Variants in NOVA1 observed in about 807,000 individuals in gnomAD.
The protein encoded by NOVA1 is RNA-binding protein Nova-1.
NOVA1 carries 7 observed loss-of-function variants against 38.0 expected under a neutral mutation model. The ratio of observed to expected loss-of-function variants is 0.18; its 90% confidence interval spans 0.10 to 0.35. NOVA1 has a LOEUF of 0.35. Ranked by LOEUF, NOVA1 falls within the 10% of genes least tolerant of loss-of-function variation. NOVA1 has a pLI of 1.00. For missense variants in NOVA1, 460 were observed against 616.0 expected (o/e 0.75, Z 2.68); for synonymous variants, 270 against 232.5 (o/e 1.16, Z -1.47).
chr14:26,564,199 A>C (rs1015297880), intron 2 of NOVA1, among the ~76,000 whole-genome samples: 1 of 152,138 alleles, frequency 6.6e-6, no homozygotes, highest in African/African-American at 2.4e-5. Flanking sequence ...CCTGACGTAC[A>C]TAACTTCACC....
At chr14:26,557,526 T>G in intron 2 of NOVA1, among the ~76,000 whole-genome samples, 1 of 125,188 alleles carries the variant, frequency 8.0e-6, no homozygotes, top group South Asian at 2.7e-4. Context: ...CATGACTGGC[T>G]AATTTTTTTT....
At chr14:26,468,634 G>C (rs1232818519) in intron 4 of NOVA1, among the ~76,000 whole-genome samples, 1 of 152,186 alleles carries the variant, frequency 6.6e-6, no homozygotes, top group Admixed American at 6.5e-5. Flanking sequence ...GAATAAGAAA[G>C]TCAATGAGCT....
intron 1 of NOVA1, chr14:26,596,125 A>G (rs927389737): frequency 1.7e-5 from 4 of 230,850 alleles, no homozygotes; most frequent in Admixed American, 5.3e-5. Context: ...CAAGTCTTCA[A>G]TAACTGCCAG....
chr14:26,596,636 G>T (rs1894209554), intron 1 of NOVA1: 8 of 1,288,954 alleles, frequency 6.2e-6, no homozygotes, highest in Non-Finnish European at 7.1e-6. Context: ...AAGCGATATC[G>T]GTCCCGTTAA....
intron 2 of NOVA1, among the ~76,000 whole-genome samples, chr14:26,567,856 G>C (rs1222327293): frequency 1.3e-5 from 2 of 152,014 alleles, no homozygotes; most frequent in Non-Finnish European, 2.9e-5. Context: ...TTTTCCATTT[G>C]GTTATCAACA....
At chr14:26,528,449 G>T (rs1200672621) in intron 2 of NOVA1, among the ~76,000 whole-genome samples, 1 of 152,124 alleles carries the variant, frequency 6.6e-6, no homozygotes, top group African/African-American at 2.4e-5. Flanking sequence ...ATATAGTATG[G>T]GTAAGGTAGA....
intron 2 of NOVA1, among the ~76,000 whole-genome samples, chr14:26,533,698 C>T (rs1033816690): frequency 1.3e-5 from 2 of 152,140 alleles, no homozygotes; most frequent in South Asian, 4.1e-4. Flanking sequence ...TCTTATGTCT[C>T]TACCCTAAGA....
intron 3 of NOVA1, among the ~76,000 whole-genome samples, chr14:26,475,188 ATAT>A (rs1173715287): frequency 6.6e-6 from 1 of 152,006 alleles, no homozygotes; most frequent in African/African-American, 2.4e-5. Context: ...ATATTTTATT[ATAT>A]TATTATTATC....
At position 26,447,615 on chromosome 14, in the gene NOVA1, C is replaced by T; in HGVS notation, c.*344G>A. On this transcript the variant is annotated 3_prime_UTR_variant, in exon 5 of 5. Coordinates refer to ENST00000539517, the MANE Select transcript of NOVA1 (RefSeq NM_002515.3). ...CTAACAGTAGTTAATTTAGTGTTAT[C>T]TAGAACTAATACTGAAAACTATACG... 2 of 274,658 alleles carry T rather than the reference C, an allele frequency of 7.3e-6. No individual in the cohort carries two copies. The highest frequency in any genetic ancestry group is 1.4e-5 in the Non-Finnish European group (2 of 143,682). The allele number at this position is 274,658 out of a possible 1,614,324, so 17.0% of individuals were successfully genotyped here.
chr14:26,505,845 T>C (rs1887605044), intron 2 of NOVA1, among the ~76,000 whole-genome samples: 1 of 152,182 alleles, frequency 6.6e-6, no homozygotes, highest in Non-Finnish European at 1.5e-5. Flanking sequence ...TAAAACATAG[T>C]GTTTGAAATA....
At chr14:26,467,767 G>A (rs922964403) in intron 4 of NOVA1, among the ~76,000 whole-genome samples, 1 of 152,186 alleles carries the variant, frequency 6.6e-6, no homozygotes, top group African/African-American at 2.4e-5. Context: ...GACTATGTGG[G>A]TACAAATGCT....
chr14:26,560,120 A>G (rs1193194981), intron 2 of NOVA1, among the ~76,000 whole-genome samples: 1 of 152,086 alleles, frequency 6.6e-6, no homozygotes, highest in East Asian at 1.9e-4. Context: ...TCATGACTCT[A>G]AGACTATCTC....
intron 1 of NOVA1, 80 bp downstream of exon 1, chr14:26,597,221 G>A: frequency 2.1e-5 from 24 of 1,140,134 alleles, no homozygotes; most frequent in Non-Finnish European, 2.5e-5. Flanking sequence ...GAGGGAAGGA[G>A]GGAGGGAGGA....
At chr14:26,501,670 T>A (rs1887251798) in intron 2 of NOVA1, among the ~76,000 whole-genome samples, 1 of 151,924 alleles carries the variant, frequency 6.6e-6, no homozygotes, top group South Asian at 2.1e-4. Context: ...AATCAAGGTA[T>A]TGTCCTTTTT....
At chr14:26,479,919 T>C in intron 3 of NOVA1, 58 bp downstream of exon 3, 1 of 1,545,378 alleles carries the variant, frequency 6.5e-7, no homozygotes. Context: ...GCTTCTTTTG[T>C]AAGGAACTTA....
Position 26,449,001 on chromosome 14 carries a change from T to C in NOVA1, c.520-38A>G, listed in dbSNP as rs770463338. On this transcript the variant is annotated intron_variant, in intron 4 of 4. Transcript: ENST00000539517. ...AAAATACGTATAAATAATACTTCTG[T>C]TTTGTGCATATACATTATATTACTT... 2.0e-5 allele frequency: 31 copies of C among 1,537,936 alleles called. No homozygotes were observed. The Admixed American group carries it at 5.9e-4, about 29-fold the overall frequency.
intron 2 of NOVA1, among the ~76,000 whole-genome samples, chr14:26,573,103 G>T (rs1436378389): frequency 6.6e-6 from 1 of 152,096 alleles, no homozygotes; most frequent in African/African-American, 2.4e-5. Flanking sequence ...AGAAACAAAA[G>T]AAATCCATAA....
chr14:26,589,795 C>T (rs1369245071), intron 2 of NOVA1, among the ~76,000 whole-genome samples: 1 of 151,624 alleles, frequency 6.6e-6, no homozygotes, highest in Non-Finnish European at 1.5e-5. Flanking sequence ...TACATTCTAT[C>T]AGTTTCATGA....
rs1332166562 is a variant in NOVA1, at chr14:26,447,251, G to A, written c.*708C>T. On this transcript the variant is annotated 3_prime_UTR_variant, in exon 5 of 5. Transcript: ENST00000539517. Reference sequence around the variant, plus strand: ...CTTAAAAACAAATGTACAAACCTCTGAAGAGGTGGGACTCCATGTGAGAAC... The same window carrying A: ...CTTAAAAACAAATGTACAAACCTCTAAAGAGGTGGGACTCCATGTGAGAAC... 1 of 152,688 alleles carries A rather than the reference G, an allele frequency of 6.5e-6. No homozygotes were observed. Among genetic ancestry groups the A allele is most frequent in the East Asian group, 1.9e-4 (1 of 5,178 alleles). The allele number at this position is 152,688 out of a possible 1,614,324, so 9.5% of individuals were successfully genotyped here.
Sources: gnomAD v4.1 joint callset for allele counts (sites outside exome capture counted in the v4.1 genomes callset) on GRCh38, gnomAD v4.1.1 for gene constraint, MANE v1.5 for transcripts, NCBI Gene and HGNC (gene_info 2026-07-23, HGNC 2026-07-21) for gene names.